FAM168A: variants seen among roughly 807,000 people sequenced by gnomAD.
The protein encoded by FAM168A is family with sequence similarity 168 member A.
A neutral mutation model predicts 28.5 loss-of-function variants in FAM168A; 3 were observed. That is an observed-to-expected ratio of 0.11 (90% CI 0.05 to 0.27). FAM168A has a LOEUF of 0.27. FAM168A is among the 10% of genes least tolerant of loss of function. The pLI is 1.00. For missense variants in FAM168A, 222 were observed against 311.5 expected (o/e 0.71, Z 2.16); for synonymous variants, 122 against 124.2 (o/e 0.98, Z 0.12).
Position 73,517,543 on chromosome 11 carries a change from C to T in FAM168A, c.-18-49051G>A, listed in dbSNP as rs980083212. On this transcript the variant is annotated intron_variant, in intron 1 of 7. Transcript: ENST00000356467. ...TGAAAGGGTACTGTTTCGGCGGGGG[C>T]GGGGGGTGGTTAATACATGACGTGG... Among the ~76,000 whole-genome samples the T allele has an allele frequency of 4.6e-5, 7 of 151,418 alleles. No homozygotes were observed. In the South Asian group the frequency reaches 8.4e-4, roughly 18 times the overall value.
chr11:73,593,224 C>T (rs1301497587), intron 1 of FAM168A, among the ~76,000 whole-genome samples: 3 of 152,118 alleles, frequency 2.0e-5, no homozygotes, highest in South Asian at 2.1e-4. Flanking sequence ...TAGGACCTCA[C>T]AAGAGGCTTT....
At chr11:73,554,155 C>T (rs1048909597) in intron 1 of FAM168A, among the ~76,000 whole-genome samples, 14 of 151,994 alleles carry the variant, frequency 9.2e-5, no homozygotes, top group African/African-American at 3.4e-4. Flanking sequence ...GTGGGAGGAT[C>T]ACTTGAGCCA....
chr11:73,436,081 A>C (rs1171363766), intron 2 of FAM168A, among the ~76,000 whole-genome samples: 1 of 151,796 alleles, frequency 6.6e-6, no homozygotes, highest in African/African-American at 2.4e-5. Context: ...AAGAGTGAAG[A>C]GAATAAATGG....
intron 1 of FAM168A, among the ~76,000 whole-genome samples, chr11:73,557,078 GGT>G (rs1943900552): frequency 6.6e-6 from 1 of 151,530 alleles, no homozygotes; most frequent in South Asian, 2.1e-4. Flanking sequence ...ACCGCCAAAA[GGT>G]GGAAGCAACT....
At chr11:73,535,527 C>CT (rs1943568164) in intron 1 of FAM168A, among the ~76,000 whole-genome samples, 1 of 150,700 alleles carries the variant, frequency 6.6e-6, no homozygotes, top group Non-Finnish European at 1.5e-5. Context: ...TCATGCCATT[C>CT]TCCTGCCTCA....
chr11:73,460,923 G>A (rs1246192452), intron 2 of FAM168A, among the ~76,000 whole-genome samples: 5 of 152,200 alleles, frequency 3.3e-5, no homozygotes, highest in African/African-American at 1.2e-4. Context: ...CTAACTAAGT[G>A]TGTTGGAAAT....
At chr11:73,580,016 G>T (rs1215773807) in intron 1 of FAM168A, among the ~76,000 whole-genome samples, 1 of 152,140 alleles carries the variant, frequency 6.6e-6, no homozygotes, top group Non-Finnish European at 1.5e-5. Context: ...TGTTTATAGT[G>T]TTAGCACTTC....
intron 1 of FAM168A, among the ~76,000 whole-genome samples, chr11:73,551,380 G>C (rs1013715987): frequency 2.0e-5 from 3 of 152,130 alleles, no homozygotes; most frequent in African/African-American, 7.2e-5. Flanking sequence ...GGAAGTATCT[G>C]ATACAAATAG....
chr11:73,532,297 T>G (rs1943523675), intron 1 of FAM168A, among the ~76,000 whole-genome samples: 1 of 152,158 alleles, frequency 6.6e-6, no homozygotes, highest in Admixed American at 6.5e-5. Context: ...GACATATACC[T>G]ACCCCACCCC....
chr11:73,523,363 A>G (rs1943409164), intron 1 of FAM168A, among the ~76,000 whole-genome samples: 2 of 152,030 alleles, frequency 1.3e-5, no homozygotes, highest in Admixed American at 1.3e-4. Context: ...GGGTCCTGCT[A>G]TGTTGCACAG....
chr11:73,590,825 G>C (rs1332855052), intron 1 of FAM168A, among the ~76,000 whole-genome samples: 1 of 152,044 alleles, frequency 6.6e-6, no homozygotes, highest in Non-Finnish European at 1.5e-5. Flanking sequence ...AGAGTAGCCA[G>C]ATACTACCTG....
At chr11:73,520,844 T>G (rs762502363) in intron 1 of FAM168A, among the ~76,000 whole-genome samples, 1 of 151,736 alleles carries the variant, frequency 6.6e-6, no homozygotes, top group Non-Finnish European at 1.5e-5. Context: ...GATGTGGTTA[T>G]ATATTATTTT....
intron 2 of FAM168A, among the ~76,000 whole-genome samples, chr11:73,455,374 C>T (rs938050185): frequency 6.6e-6 from 1 of 152,250 alleles, no homozygotes; most frequent in Non-Finnish European, 1.5e-5. Context: ...GTAAATGAGG[C>T]ACCCCTGTCG....
At chr11:73,434,682 T>C (rs956027783) in intron 2 of FAM168A, among the ~76,000 whole-genome samples, 13 of 152,222 alleles carry the variant, frequency 8.5e-5, no homozygotes, top group Non-Finnish European at 5.9e-5. Context: ...TGTGAGGACT[T>C]AGACTTCTAT....
At position 73,556,072 on chromosome 11, in the gene FAM168A, A is replaced by G. The variant is rs75513911; in HGVS notation, c.-19+41851T>C. ...AACAAAAAAAGCAATGGGGCTGGGT[A>G]TAGTGGCTCACACTGTAATCCCAGC... is the stretch of plus-strand genomic sequence containing the variant. On this transcript the variant is annotated intron_variant, in intron 1 of 7. Transcript: ENST00000356467. 5.9e-3 allele frequency among the ~76,000 whole-genome samples: 898 copies of G among 152,328 alleles called. 5 individuals carry two copies. Among genetic ancestry groups the G allele is most frequent in the African/African-American group, 0.02 (847 of 41,576 alleles).
chr11:73,411,494 C>A lies in FAM168A; in HGVS notation c.320G>T (p.Ser107Ile), dbSNP rs771224666. 2 of 1,613,990 alleles carry A rather than the reference C, an allele frequency of 1.2e-6. No homozygotes were observed. Among genetic ancestry groups the A allele is most frequent in the African/African-American group, 1.3e-5 (1 of 75,010 alleles). ...GTPYKVPPTQ[S>I]NTAPPPYSPS... is the part of the protein sequence containing the mutation. Reference sequence around the variant, plus strand: ...GGAGTAGGGGGGTGGAGCAGTGTTACTCTGGGTCGGTGGGACCTTGTATGG... The same window carrying A: ...GGAGTAGGGGGGTGGAGCAGTGTTAATCTGGGTCGGTGGGACCTTGTATGG... Residue 107 changes from serine (S) to isoleucine (I), a missense_variant, in exon 5 of 8, where the codon AGT becomes ATT. By Grantham distance (142) the Ser-to-Ile change is moderately radical (BLOSUM62 -2). This residue lies in a region of FAM168A where 153 missense variants were observed against 189.2 expected (regional missense o/e 0.81). Coordinates refer to ENST00000356467, the MANE Select transcript of FAM168A (RefSeq NM_015159.3).
chr11:73,430,650 T>C (rs1192169494), intron 3 of FAM168A, 40 bp downstream of exon 3: 2 of 1,571,126 alleles, frequency 1.3e-6, no homozygotes, highest in Non-Finnish European at 1.8e-6. Context: ...GAGTCCCCCT[T>C]CCCACTCCAT....
intron 1 of FAM168A, among the ~76,000 whole-genome samples, chr11:73,518,132 G>A (rs575150524): frequency 6.6e-6 from 1 of 152,300 alleles, no homozygotes; most frequent in East Asian, 1.9e-4. Flanking sequence ...CTGAACTCCT[G>A]ACTTTTACAC....
chr11:73,491,766 G>C (rs1371361621), intron 1 of FAM168A, among the ~76,000 whole-genome samples: 1 of 152,198 alleles, frequency 6.6e-6, no homozygotes, highest in African/African-American at 2.4e-5. Flanking sequence ...AAGCAAGCCA[G>C]ATCTCCAAAC....
Sources: allele counts gnomAD v4.1 joint callset (sites outside exome capture counted in the v4.1 genomes callset), GRCh38; gene constraint gnomAD v4.1.1; regional missense constraint gnomAD v4.1.1; transcripts MANE v1.5; gene names NCBI Gene and HGNC (gene_info 2026-07-23, HGNC 2026-07-21).